The following MYH8 variants were observed in gnomAD, a reference collection of about 807,000 sequenced individuals.
MYH8 encodes myosin-8.
MYH8 carries 168 observed loss-of-function variants against 233.2 expected under a neutral mutation model. The ratio of observed to expected loss-of-function variants is 0.72; its 90% CI spans 0.64 to 0.82. The LOEUF is 0.82. Among genes scored for constraint, MYH8 ranks in the 40% least tolerant of loss-of-function variants. MYH8 has a pLI of 0.00. For synonymous variants in MYH8, 785 were observed against 850.6 expected (o/e 0.92, Z 1.34); for missense variants, 1,995 against 2,327.8 (o/e 0.86, Z 2.94).
Position 10,400,770 on chromosome 17 carries a change from C to T in MYH8, c.3355G>A (p.Glu1119Lys). 1 of 1,614,150 alleles carries T rather than the reference C, an allele frequency of 6.2e-7. No homozygotes were observed. Among genetic ancestry groups the T allele is most frequent in the Non-Finnish European group, 8.5e-7 (1 of 1,180,044 alleles). The change falls in exon 27 of 40, where the codon GAG (glutamate) becomes AAG (lysine). Residue 1119 changes from glutamate (E) to lysine (K), a missense_variant. This residue lies in a region of MYH8 where 1,498 missense variants were observed against 1,680.9 expected (regional missense o/e 0.89). Coordinates refer to ENST00000403437, the MANE Select transcript of MYH8 (RefSeq NM_002472.3). The surrounding 1 kb of genome is among the most constrained non-coding windows in gnomAD (Gnocchi z 4.0). ...GCCTCGATTTCTTCCCCCAGCTCCT[C>T]AATGCGGGCCTGGGAATGAAAGAAG... ...KKIKELQARI[E>K]ELGEEIEAER...
chr17:10,391,724 T>G (rs1422608621), intron 39 of MYH8, among the ~76,000 whole-genome samples, 158 bp downstream of exon 39: 1 of 152,198 alleles, frequency 6.6e-6, no homozygotes, highest in Non-Finnish European at 1.5e-5. Flanking sequence ...ATTCTGTAAT[T>G]TGGATTTGGC....
rs73977157 is a variant in MYH8 at position 10,412,963 on chromosome 17, G to A, written c.1148-235C>T. Among the ~76,000 whole-genome samples the A allele has an allele frequency of 0.017, 2,552 of 152,208 alleles. 69 individuals carry two copies. Among genetic ancestry groups the A allele is most frequent in the African/African-American group, 0.055 (2,301 of 41,526 alleles). The stretch of plus-strand genomic sequence containing the variant: ...GTTTTTAAGAAATTTTTCATCAACT[G>A]TAAACATATGTAGTATTTATTGCCG... On this transcript the variant is annotated intron_variant, in intron 12 of 39. Coordinates refer to ENST00000403437, the MANE Select transcript of MYH8 (RefSeq NM_002472.3).
rs780273321 is a variant in MYH8, at chr17:10,390,424, C to T, written c.*30G>A. On this transcript the variant is annotated 3_prime_UTR_variant, in exon 40 of 40. Transcript: ENST00000403437. ...AAATAGCACATTTTGTGCCTTTCTT[C>T]AGCCTCTTGATAGCATCAGGCAGGT... 2.5e-6 allele frequency: 4 copies of T among 1,612,546 alleles called. No individual in the cohort carries two copies. Among genetic ancestry groups the T allele is most frequent in the East Asian group, 2.2e-5 (1 of 44,880 alleles).
chr17:10,412,501 C>T lies in MYH8; in HGVS notation c.1285G>A (p.Ala429Thr). 3 of 1,614,230 alleles carry T rather than the reference C, an allele frequency of 1.9e-6. No individual in the cohort carries two copies. Among genetic ancestry groups the T allele is most frequent in the South Asian group, 2.2e-5 (2 of 91,082 alleles). ...TTCTCGTAGACGGCTTTGGCCAGAG[C>T]ACCCACCGCATTGTACACCTTCACA... Reference protein sequence around the residue: ...TVQQVYNAVGALAKAVYEKMF... With the variant: ...TVQQVYNAVGTLAKAVYEKMF... The change falls in exon 14 of 40, where the codon GCT becomes ACT. Residue 429 changes from alanine to threonine, a missense_variant. Physicochemically the swap from Ala to Thr is moderately conservative, Grantham distance 58. Coordinates refer to ENST00000403437, the MANE Select transcript of MYH8 (RefSeq NM_002472.3).
At chr17:10,398,737 G>C in intron 29 of MYH8, 31 bp downstream of exon 29, 1 of 1,613,638 alleles carries the variant, frequency 6.2e-7, no homozygotes, top group Non-Finnish European at 8.5e-7. Context: ...TTTAGATTTG[G>C]TTAGTCAAAA....
chr17:10,396,685 T>C lies in MYH8; in HGVS notation c.4396A>G (p.Thr1466Ala). 2.5e-6 allele frequency: 4 copies of C among 1,614,164 alleles called. No individual in the cohort carries two copies. The highest frequency in any genetic ancestry group is 3.4e-6 in the Non-Finnish European group (4 of 1,180,036). ...LSEWKQKYEE[T>A]QAELEASQKE... ...TGGGAGGCCTCAAGTTCAGCCTGAG[T>C]TTCCTCATACTTCTGCTTCCATTCT... The change falls in exon 32 of 40, where the codon ACT (threonine) becomes GCT (alanine). Residue 1466 changes from threonine to alanine, a missense_variant. By Grantham distance (58) the Thr-to-Ala change is moderately conservative. This residue lies in a region of MYH8 where 1,498 missense variants were observed against 1,680.9 expected (regional missense o/e 0.89). Transcript: ENST00000403437. This position sits in a 1 kb window ranked among gnomAD's most constrained non-coding sequence, Gnocchi z 4.2.
intron 15 of MYH8, 44 bp from the exon 16 acceptor site, chr17:10,409,632 A>T: frequency 6.2e-7 from 1 of 1,608,836 alleles, no homozygotes; most frequent in Non-Finnish European, 8.5e-7. Flanking sequence ...AACTTCTCTC[A>T]AAAGATAGAG....
chr17:10,399,100 G>C (rs2072109041), intron 28 of MYH8, among the ~76,000 whole-genome samples: 1 of 151,220 alleles, frequency 6.6e-6, no homozygotes, highest in Non-Finnish European at 1.5e-5. Flanking sequence ...TAGAATATTT[G>C]CATTACACTT....
rs772433083 is a variant in MYH8, at chr17:10,409,561, C to G, written c.1615G>C (p.Glu539Gln). 4 of 1,614,084 alleles carry G rather than the reference C, an allele frequency of 2.5e-6. No homozygotes were observed. The South Asian group carries it at 4.4e-5, about 18-fold the overall frequency. Reference sequence around the variant, plus strand: ...GTTGCCTTAGGGAACATGCACTCCTCTTCCAGGATGGAGAAGATGCCCAGT... The same window carrying G: ...GTTGCCTTAGGGAACATGCACTCCTGTTCCAGGATGGAGAAGATGCCCAGT... ...KPLGIFSILE[E>Q]ECMFPKATDT... Residue 539 changes from glutamate (E) to glutamine (Q), a missense_variant, in exon 16 of 40, where the codon GAG (glutamate) becomes CAG (glutamine). Glu to Gln is a conservative substitution (Grantham distance 29, BLOSUM62 2). Around this residue, in one of 3 missense-constraint regions of MYH8, gnomAD observed 1,498 missense variants for 1,680.9 expected, o/e 0.89. Coordinates refer to ENST00000403437, the MANE Select transcript of MYH8 (RefSeq NM_002472.3).
intron 5 of MYH8, among the ~76,000 whole-genome samples, chr17:10,416,558 C>T (rs1318707323): frequency 6.6e-6 from 1 of 152,186 alleles, no homozygotes; most frequent in Non-Finnish European, 1.5e-5. Context: ...GATCATTTTA[C>T]ATGATCACTA....
At chr17:10,418,606 A>G in intron 5 of MYH8, 39 bp downstream of exon 5, 1 of 1,613,016 alleles carries the variant, frequency 6.2e-7, no homozygotes, top group Non-Finnish European at 8.5e-7. Flanking sequence ...CAAAGATTCT[A>G]TTTACACATT....
rs199592324 is a variant in MYH8, at chr17:10,396,667, C to T, written c.4414G>A (p.Ala1472Thr). 4.2e-5 allele frequency: 67 copies of T among 1,614,198 alleles called. No individual in the cohort carries two copies. The African/African-American group carries it at 8.3e-4, about 20-fold the overall frequency. The change falls in exon 32 of 40, where the codon GCC becomes ACC. Residue 1472 changes from alanine to threonine, a missense_variant. Physicochemically the swap from Ala to Thr is moderately conservative, Grantham distance 58 (BLOSUM62 0). This residue lies in a region of MYH8 where 1,498 missense variants were observed against 1,680.9 expected (regional missense o/e 0.89). Coordinates refer to ENST00000403437, the MANE Select transcript of MYH8 (RefSeq NM_002472.3). The surrounding 1 kb of genome is among the most constrained non-coding windows in gnomAD (Gnocchi z 4.2). ...KYEETQAELE[A>T]SQKESRSLST... Reference sequence around the variant, plus strand: ...AGAGAACGTGACTCCTTCTGGGAGGCCTCAAGTTCAGCCTGAGTTTCCTCA... The same window carrying T: ...AGAGAACGTGACTCCTTCTGGGAGGTCTCAAGTTCAGCCTGAGTTTCCTCA...
rs145711576 is a variant in MYH8, at chr17:10,395,311, C to T, written c.4784G>A (p.Arg1595Lys). Residue 1595 changes from arginine to lysine, a missense_variant, in exon 34 of 40, where the codon AGA (arginine) becomes AAA (lysine). Physicochemically the swap from Arg to Lys is conservative, Grantham distance 26. Transcript: ENST00000403437. Reference protein sequence around the residue: ...EIDQLKRNHTRVVETMQSTLD... With the variant: ...EIDQLKRNHTKVVETMQSTLD... ...CGTGCTCTGCATTGTCTCCACGACTCTAGTGTGGTTTCTCTTCAGCTGGTC... is the reference window on the plus strand; with the variant it reads ...CGTGCTCTGCATTGTCTCCACGACTTTAGTGTGGTTTCTCTTCAGCTGGTC... 8 of 1,614,190 alleles carry T rather than the reference C, an allele frequency of 5.0e-6. No individual in the cohort carries two copies. Among genetic ancestry groups the T allele is most frequent in the Non-Finnish European group, 6.8e-6 (8 of 1,180,030 alleles).
Position 10,419,801 on chromosome 17 carries a change from A to G in MYH8, c.210+217T>C, listed in dbSNP as rs1422218597. On this transcript the variant is annotated intron_variant, in intron 3 of 39. Coordinates refer to ENST00000403437, the MANE Select transcript of MYH8 (RefSeq NM_002472.3). This position sits in a 1 kb window ranked among gnomAD's most constrained non-coding sequence, Gnocchi z 4.0. ...AGTGGGGAATTGAAGGGAAATGGTG[A>G]AGGCCATACATAGTGGGGTGAGGTC... is the stretch of plus-strand genomic sequence containing the variant. Among the ~76,000 whole-genome samples, 1 of 152,180 alleles carries G rather than the reference A, an allele frequency of 6.6e-6. No individual in the cohort carries two copies. Among genetic ancestry groups the G allele is most frequent in the East Asian group, 1.9e-4 (1 of 5,194 alleles).
chr17:10,416,972 G>A (rs1202196414), intron 5 of MYH8, among the ~76,000 whole-genome samples: 3 of 152,162 alleles, frequency 2.0e-5, no homozygotes, highest in African/African-American at 7.2e-5. Context: ...CTGTAAAGGA[G>A]GAAGTGACTT....
At position 10,420,128 on chromosome 17, in the gene MYH8, A is replaced by G. The variant is rs1217435451; in HGVS notation, c.100T>C (p.Phe34Leu). 11 of 1,614,140 alleles carry G rather than the reference A, an allele frequency of 6.8e-6. No homozygotes were observed. Among genetic ancestry groups the G allele is most frequent in the Non-Finnish European group, 9.3e-6 (11 of 1,180,060 alleles). The change falls in exon 3 of 40, where the codon TTT becomes CTT. Residue 34 changes from phenylalanine (F) to leucine (L), a missense_variant. This residue lies in a region of MYH8 where 479 missense variants were observed against 600.9 expected (regional missense o/e 0.80). Transcript: ENST00000403437. ...KERIEAQNKP[F>L]DAKTSVFVAE... ...ACAAAGACAGATGTTTTAGCATCAAACGGCTTGTTTTGGGCCTCAATCCGC... is the reference window on the plus strand; with the variant it reads ...ACAAAGACAGATGTTTTAGCATCAAGCGGCTTGTTTTGGGCCTCAATCCGC...
chr17:10,395,049 A>G, intron 34 of MYH8, 84 bp downstream of exon 34: 1 of 1,469,868 alleles, frequency 6.8e-7, no homozygotes, highest in Non-Finnish European at 9.5e-7. Flanking sequence ...AAGAGAAAAA[A>G]AGGATCGTTT....
In MYH8 at chr17:10,410,936, C is replaced by T. The variant is rs2072238822; in HGVS notation, c.1428G>A (p.Leu476=). Residue 476 remains leucine, a synonymous_variant, in exon 15 of 40, where the codon CTG becomes CTA. Transcript: ENST00000403437. ...AGFEIFDFNS[L]EQLCINFTNE... is the part of the protein sequence containing the mutation. ...TGGTGAAGTTGATGCACAGCTGCTC[C>T]AGGCTGTTAAACTACACAAAATAAT... 1 of 1,614,070 alleles carries T rather than the reference C, an allele frequency of 6.2e-7. No homozygotes were observed. The highest frequency in any genetic ancestry group is 8.5e-7 in the Non-Finnish European group (1 of 1,179,982).
chr17:10,391,811 C>T (rs112854259), intron 39 of MYH8, 71 bp downstream of exon 39: 139 of 1,110,624 alleles, frequency 1.3e-4, no homozygotes, highest in African/African-American at 6.5e-4. Context: ...TCCTTATTGA[C>T]GCATTCTCTT....
Sources: allele counts gnomAD v4.1 joint callset (sites outside exome capture counted in the v4.1 genomes callset), GRCh38; gene constraint gnomAD v4.1.1; regional missense constraint gnomAD v4.1.1; non-coding constraint Gnocchi (gnomAD v3.1); transcripts MANE v1.5; gene names NCBI Gene and HGNC (gene_info 2026-07-23, HGNC 2026-07-21).